Variants in RNF2 observed in about 807,000 individuals in gnomAD.
The protein encoded by RNF2 is E3 ubiquitin-protein ligase RING2.
A neutral mutation model predicts 37.2 loss-of-function variants in RNF2; 6 were observed. The observed-to-expected ratio is 0.16, with a 90% confidence interval of 0.09 to 0.32. RNF2 has a LOEUF of 0.32. Among genes scored for constraint, RNF2 ranks in the 10% least tolerant of loss-of-function variants. The probability of loss-of-function intolerance (pLI) is 1.00; values close to 1 mark genes in which losing one functional copy is unlikely to be tolerated. For missense variants in RNF2, 251 were observed against 404.0 expected, an observed-to-expected ratio of 0.62 and a Z score of 3.25; for synonymous variants, 133 against 132.7, an observed-to-expected ratio of 1.00 and a Z score of -0.02.
chr1:185,078,126 A>G (rs1406174025), intron 1 of RNF2, among the ~76,000 whole-genome samples: 1 of 152,156 alleles, frequency 6.6e-6, no homozygotes, highest in African/African-American at 2.4e-5. Flanking sequence ...GTGTGCCTGT[A>G]GTCCCAGCTG....
At chr1:185,076,070 G>A (rs952924950) in intron 1 of RNF2, among the ~76,000 whole-genome samples, 4 of 151,382 alleles carry the variant, frequency 2.6e-5, no homozygotes, top group African/African-American at 9.7e-5. Flanking sequence ...ATCGTTATTG[G>A]CCTTTGTTAA....
At chr1:185,085,815 G>A (rs1351076752) in intron 1 of RNF2, among the ~76,000 whole-genome samples, 44 of 151,862 alleles carry the variant, frequency 2.9e-4, no homozygotes, top group Admixed American at 2.9e-3. Flanking sequence ...CACCACACCC[G>A]GCTAATTTTT....
intron 1 of RNF2, among the ~76,000 whole-genome samples, chr1:185,049,071 C>G (rs1003450746): frequency 3.9e-5 from 6 of 152,056 alleles, no homozygotes; most frequent in Non-Finnish European, 8.8e-5. Context: ...ACTAAAAATA[C>G]AAAAATTAGC....
chr1:185,062,907 C>T (rs1200454087), intron 1 of RNF2, among the ~76,000 whole-genome samples: 1 of 151,974 alleles, frequency 6.6e-6, no homozygotes, highest in Non-Finnish European at 1.5e-5. Context: ...GTATCATTTC[C>T]CTCCCACTTA....
intron 1 of RNF2, among the ~76,000 whole-genome samples, chr1:185,067,935 T>A (rs904512510): frequency 6.6e-6 from 1 of 151,506 alleles, no homozygotes; most frequent in African/African-American, 2.4e-5. Context: ...GGTCTTGAGC[T>A]CTTGACCTCA....
intron 4 of RNF2, among the ~76,000 whole-genome samples, chr1:185,096,704 G>A (rs910652515): frequency 1.3e-5 from 2 of 151,960 alleles, no homozygotes; most frequent in African/African-American, 4.8e-5. Context: ...GTATGTGGCA[G>A]GATTTCCTTC....
At chr1:185,047,325 T>C (rs1650149040) in intron 1 of RNF2, among the ~76,000 whole-genome samples, 1 of 152,248 alleles carries the variant, frequency 6.6e-6, no homozygotes, top group African/African-American at 2.4e-5. Context: ...TTACAATCAC[T>C]AACATAATGT....
At chr1:185,051,301 A>G (rs1557957720) in intron 1 of RNF2, among the ~76,000 whole-genome samples, 1 of 152,186 alleles carries the variant, frequency 6.6e-6, no homozygotes, top group Admixed American at 6.5e-5. Context: ...AAGGGGTAGT[A>G]TTGTGTATAG....
chr1:185,091,783 C>T (rs376791167), intron 3 of RNF2, 44 bp downstream of exon 3: 56 of 1,476,024 alleles, frequency 3.8e-5, no homozygotes, highest in Non-Finnish European at 4.5e-5. Flanking sequence ...AATTGTACCA[C>T]GAAAGTGCTT....
At chr1:185,058,057 T>C (rs1337455075) in intron 1 of RNF2, among the ~76,000 whole-genome samples, 1 of 152,056 alleles carries the variant, frequency 6.6e-6, no homozygotes, top group Non-Finnish European at 1.5e-5. Flanking sequence ...CCTGGGAGGG[T>C]TGAGGCTGCA....
chr1:185,089,516 A>G (rs1460067357), intron 2 of RNF2, among the ~76,000 whole-genome samples: 2 of 152,072 alleles, frequency 1.3e-5, no homozygotes. Flanking sequence ...AGATTGTACA[A>G]GTTTGAGGGT....
intron 2 of RNF2, among the ~76,000 whole-genome samples, chr1:185,090,173 G>A (rs1014307535): frequency 2.0e-5 from 3 of 152,062 alleles, no homozygotes; most frequent in African/African-American, 7.2e-5. Context: ...ACCCGCCTCG[G>A]CCTCCCGAAG....
chr1:185,099,856 C>T lies in RNF2; in HGVS notation c.803C>T (p.Ala268Val). The change falls in exon 6 of 7, where the codon GCT becomes GTT. Residue 268 changes from alanine to valine, a missense_variant. By Grantham distance (64) the Ala-to-Val change is moderately conservative. This residue lies in a region of RNF2 where 16 missense variants were observed against 47.7 expected (regional missense o/e 0.34). Coordinates refer to ENST00000367510, the MANE Select transcript of RNF2 (RefSeq NM_007212.4). ...TCCAAGTATCTGGCTGTGAGGTTAG[C>T]TTTAGAAGAACTTCGAAGCAAAGGT... ...HLSKYLAVRLALEELRSKGES... is the reference protein window; with the variant it reads ...HLSKYLAVRLVLEELRSKGES... 6.2e-7 allele frequency: 1 copy of T among 1,614,116 alleles called. No individual in the cohort carries two copies. Among genetic ancestry groups the T allele is most frequent in the South Asian group, 1.1e-5 (1 of 91,078 alleles).
intron 1 of RNF2, among the ~76,000 whole-genome samples, chr1:185,054,791 G>T (rs1017562446): frequency 2.0e-5 from 3 of 152,028 alleles, no homozygotes; most frequent in Non-Finnish European, 4.4e-5. Flanking sequence ...TCCGCCTGCC[G>T]GGGTCAAGCG....
chr1:185,071,500 T>G (rs1650972139), intron 1 of RNF2: 1 of 152,298 alleles, frequency 6.6e-6, no homozygotes, highest in East Asian at 1.9e-4. Flanking sequence ...ACTTAGTTCC[T>G]AAGCTTAACT....
rs575028932 is a variant in RNF2 at position 185,084,300 on chromosome 1, A to G, written c.-2-3252A>G. On this transcript the variant is annotated intron_variant, in intron 1 of 6. Coordinates refer to ENST00000367510, the MANE Select transcript of RNF2 (RefSeq NM_007212.4). The stretch of plus-strand genomic sequence containing the variant: ...CAGTTTATGTTGGCTTACCACTCGA[A>G]TCAGCATTGTAGCAATTTTAAATGA... Among the ~76,000 whole-genome samples, 28 of 152,244 alleles carry G rather than the reference A, an allele frequency of 1.8e-4. No individual in the cohort carries two copies. The South Asian group carries it at 5.2e-3, about 28-fold the overall frequency.
Position 185,056,174 on chromosome 1 carries a change from C to G in RNF2, c.-3+10525C>G, listed in dbSNP as rs545448991. Among the ~76,000 whole-genome samples, 26 of 152,038 alleles carry G rather than the reference C, an allele frequency of 1.7e-4. 1 individual carries two copies. In the South Asian group the frequency reaches 5.4e-3, roughly 32 times the overall value. ...AGTTCTCCATTACTTGAAGAGTTCT[C>G]CATTACTTGGAAAGATAATATTACA... On this transcript the variant is annotated intron_variant, in intron 1 of 6. Coordinates refer to ENST00000367510, the MANE Select transcript of RNF2 (RefSeq NM_007212.4).
chr1:185,045,812 T>A (rs1650096840), intron 1 of RNF2, among the ~76,000 whole-genome samples, 163 bp downstream of exon 1: 1 of 152,020 alleles, frequency 6.6e-6, no homozygotes, highest in Non-Finnish European at 1.5e-5. Context: ...CCCCGGCCGC[T>A]CTCGCGGCGG....
chr1:185,083,593 A>G (rs1651493105), intron 1 of RNF2, among the ~76,000 whole-genome samples: 1 of 151,978 alleles, frequency 6.6e-6, no homozygotes, highest in Admixed American at 6.6e-5. Context: ...AGTAGCTGGG[A>G]CTACAGGCCA....
Sources: gnomAD v4.1 joint callset for allele counts (sites outside exome capture counted in the v4.1 genomes callset) on GRCh38, gnomAD v4.1.1 for gene constraint, gnomAD v4.1.1 regional missense constraint, MANE v1.5 for transcripts, NCBI Gene and HGNC (gene_info 2026-07-23, HGNC 2026-07-21) for gene names.